Variants in MGA observed in about 807,000 individuals in gnomAD.
The protein encoded by MGA is MAX dimerization protein MGA, also known as MAX gene-associated protein.
A neutral mutation model predicts 261.1 loss-of-function variants in MGA; 40 were observed. The ratio of observed to expected loss-of-function variants is 0.15; its 90% CI spans 0.12 to 0.20. The LOEUF (loss-of-function observed/expected upper bound fraction) is 0.20. Among genes scored for constraint, MGA ranks in the 10% least tolerant of loss-of-function variants. The probability of loss-of-function intolerance (pLI) is 1.00; values close to 1 mark genes in which losing one functional copy is unlikely to be tolerated. For missense variants in MGA, 3,397 were observed against 3,630.5 expected, an observed-to-expected ratio of 0.94 and a Z score of 1.65; for synonymous variants, 1,302 against 1,290.6, an observed-to-expected ratio of 1.01 and a Z score of -0.19.
At chr15:41,707,637 G>A (rs1166279473) in intron 5 of MGA, 91 bp from the exon 6 acceptor site, 7 of 1,216,508 alleles carry the variant, frequency 5.8e-6, no homozygotes, top group South Asian at 5.1e-5. Flanking sequence ...TTACCCCCCC[G>A]CCATCTCCCA....
chr15:41,621,442 G>A, intron 1 of MGA: 1 of 152,392 alleles, frequency 6.6e-6, no homozygotes, highest in Non-Finnish European at 1.5e-5. Flanking sequence ...CGAGCTCGGT[G>A]CCAGGTGATT....
At chr15:41,745,444 GCTGT>G (rs1016415954) in intron 15 of MGA, among the ~76,000 whole-genome samples, 4 of 151,220 alleles carry the variant, frequency 2.6e-5, no homozygotes, top group Non-Finnish European at 5.9e-5. Flanking sequence ...ACATGGCTTT[GCTGT>G]CTTTTTTTTT....
rs78287190 is a variant in MGA at position 41,723,715 on chromosome 15, C to T, written c.3431-3465C>T. 1.2e-3 allele frequency among the ~76,000 whole-genome samples: 189 copies of T among 152,266 alleles called. 2 individuals carry two copies. The East Asian group carries it at 0.033, about 27-fold the overall frequency. Reference sequence around the variant, plus strand: ...GGTGTGAGCTACTGCATCTGGCTCCCTACCCCATTTTTAGTATGTTGTTGT... The same window carrying T: ...GGTGTGAGCTACTGCATCTGGCTCCTTACCCCATTTTTAGTATGTTGTTGT... On this transcript the variant is annotated intron_variant, in intron 9 of 23. Transcript: ENST00000219905.
intron 13 of MGA, among the ~76,000 whole-genome samples, chr15:41,738,260 A>G (rs1402147565): frequency 1.3e-5 from 2 of 150,810 alleles, no homozygotes; most frequent in African/African-American, 4.9e-5. Flanking sequence ...TTAGCCGGGC[A>G]TGGTGGCGTG....
At chr15:41,621,683 T>C (rs2056289778) in intron 1 of MGA, 1 of 151,654 alleles carries the variant, frequency 6.6e-6, no homozygotes, top group South Asian at 2.1e-4. Flanking sequence ...TCTGGGTGTT[T>C]TTGTGCGTTG....
chr15:41,698,649 C>T (rs749698968), intron 3 of MGA, among the ~76,000 whole-genome samples: 91 of 152,112 alleles, frequency 6.0e-4, no homozygotes, highest in Non-Finnish European at 1.1e-3. Context: ...TTACTTCCCC[C>T]TTTTCCCCTT....
chr15:41,708,282 G>C (rs1283780443), intron 7 of MGA, 74 bp downstream of exon 7: 2 of 1,112,180 alleles, frequency 1.8e-6, no homozygotes, highest in African/African-American at 1.6e-5. Flanking sequence ...AGTAAGTCTT[G>C]GTTGTTTTTC....
At chr15:41,659,497 C>T (rs542653760), upstream of MGA, among the ~76,000 whole-genome samples, 9 of 152,296 alleles carry the variant, frequency 5.9e-5, no homozygotes, top group Non-Finnish European at 1.3e-4. Context: ...TAAGAAACTA[C>T]GCTTCCTTTT....
intron 2 of MGA, among the ~76,000 whole-genome samples, chr15:41,675,153 A>G (rs1236271659): frequency 6.6e-6 from 1 of 152,152 alleles, no homozygotes; most frequent in African/African-American, 2.4e-5. Flanking sequence ...TTTTTGTTAC[A>G]TGTCTAGGAG....
At chr15:41,707,629 A>ACC (rs564479133) in intron 5 of MGA, 99 bp from the exon 6 acceptor site, 1 of 1,138,326 alleles carries the variant, frequency 8.8e-7, no homozygotes, top group South Asian at 1.7e-5. Context: ...TCTCGACCTT[A>ACC]CCCCCCCGCC....
chr15:41,658,637 T>C (rs2057259258), upstream of MGA, among the ~76,000 whole-genome samples: 1 of 151,910 alleles, frequency 6.6e-6, no homozygotes, highest in Non-Finnish European at 1.5e-5. Flanking sequence ...GGACTCCACT[T>C]TGAAAAACTA....
Position 41,698,875 on chromosome 15 carries a change from A to G in MGA, c.2026A>G (p.Ile676Val). ...TTTTGATGTATAGGAAGCTCTAGAC[A>G]TTCATGCAGTTGATGGGACAACAGA... The change falls in exon 4 of 24, where the codon ATT (isoleucine) becomes GTT (valine). Residue 676 changes from isoleucine to valine, a missense_variant. Ile to Val is a conservative substitution (Grantham distance 29). Coordinates refer to ENST00000219905, the MANE Select transcript of MGA (RefSeq NM_001164273.2). 1 of 1,547,188 alleles carries G rather than the reference A, an allele frequency of 6.5e-7. No homozygotes were observed. The highest frequency in any genetic ancestry group is 8.7e-7 in the Non-Finnish European group (1 of 1,145,746).
Position 41,749,243 on chromosome 15 carries a change from T to C in MGA, c.5636T>C (p.Val1879Ala). 6.2e-7 allele frequency: 1 copy of C among 1,614,048 alleles called. No individual in the cohort carries two copies. Among genetic ancestry groups the C allele is most frequent in the South Asian group, 1.1e-5 (1 of 91,086 alleles). ...GTTGGGTCTTCTTCAGCAGTGAATG[T>C]TATCACTCAGGCACCATCATTGCTT... Residue 1879 changes from valine to alanine, a missense_variant, in exon 17 of 24, where the codon GTT becomes GCT. Val to Ala is a moderately conservative substitution (Grantham distance 64). This residue lies in a region of MGA where 1,410 missense variants were observed against 1,386.4 expected (regional missense o/e 1.02). Coordinates refer to ENST00000219905, the MANE Select transcript of MGA (RefSeq NM_001164273.2).
chr15:41,643,543 G>A (rs886401915), intron 1 of MGA, among the ~76,000 whole-genome samples: 3 of 151,518 alleles, frequency 2.0e-5, no homozygotes, highest in Non-Finnish European at 4.4e-5. Context: ...CCTGGCCCTG[G>A]CTCCCATTTT....
At chr15:41,708,311 G>C in intron 7 of MGA, 103 bp downstream of exon 7, 1 of 866,426 alleles carries the variant, frequency 1.2e-6, no homozygotes, top group South Asian at 1.8e-5. Flanking sequence ...TTCTCGCCAT[G>C]GGTTTTTTGT....
At chr15:41,751,849 G>A (rs1410686922) in intron 17 of MGA, 1 of 152,128 alleles carries the variant, frequency 6.6e-6, no homozygotes, top group Non-Finnish European at 1.5e-5. Flanking sequence ...TCTAAACTGT[G>A]TCCTTCTTTT....
intron 1 of MGA, among the ~76,000 whole-genome samples, chr15:41,655,325 T>A (rs948999329): frequency 4.0e-5 from 6 of 151,790 alleles, no homozygotes; most frequent in African/African-American, 1.5e-4. Flanking sequence ...ATTACAGGCA[T>A]GTGCCACCAT....
intron 21 of MGA, 27 bp from the exon 22 acceptor site, chr15:41,762,102 G>A: frequency 6.5e-7 from 1 of 1,545,336 alleles, no homozygotes; most frequent in Non-Finnish European, 8.9e-7. Flanking sequence ...AATGCTGAAA[G>A]TGCTAATGTA....
Position 41,626,797 on chromosome 15 carries a change from G to A in MGA, c.-68+5499G>A, listed in dbSNP as rs555120767. Among the ~76,000 whole-genome samples, 22 of 152,162 alleles carry A rather than the reference G, an allele frequency of 1.4e-4. 1 individual carries two copies. In the South Asian group the frequency reaches 2.3e-3, roughly 16 times the overall value. On this transcript the variant is annotated intron_variant, in intron 1 of 8. Transcript: ENST00000566718. Reference sequence around the variant, plus strand: ...TACAAAGAGAGTTTTCATATACCTAGCTTCCCTTCCAGCTTTTCCCATTAT... The same window carrying A: ...TACAAAGAGAGTTTTCATATACCTAACTTCCCTTCCAGCTTTTCCCATTAT...
Sources: allele counts gnomAD v4.1 joint callset (sites outside exome capture counted in the v4.1 genomes callset), GRCh38; gene constraint gnomAD v4.1.1; regional missense constraint gnomAD v4.1.1; transcripts MANE v1.5; gene names NCBI Gene and HGNC (gene_info 2026-07-23, HGNC 2026-07-21).